RAB3GAP2: variants seen among roughly 807,000 people sequenced by gnomAD.
RAB3GAP2 encodes the protein rab3 GTPase-activating protein non-catalytic subunit.
RAB3GAP2 carries 87 observed loss-of-function variants against 185.3 expected under a neutral mutation model. That is an observed-to-expected ratio of 0.47 (90% CI 0.39 to 0.56). The LOEUF (loss-of-function observed/expected upper bound fraction) is 0.56. Among genes scored for constraint, RAB3GAP2 ranks in the 20% least tolerant of loss-of-function variants. The pLI, the probability that RAB3GAP2 is intolerant of heterozygous loss-of-function variation, is 0.00. For synonymous variants in RAB3GAP2, 554 were observed against 576.1 expected, an observed-to-expected ratio of 0.96 and a Z score of 0.55; for missense variants, 1,492 against 1,638.2, an observed-to-expected ratio of 0.91 and a Z score of 1.54.
chr1:220,174,518 C>A (rs1249661600), intron 21 of RAB3GAP2, among the ~76,000 whole-genome samples: 1 of 152,160 alleles, frequency 6.6e-6, no homozygotes, highest in Non-Finnish European at 1.5e-5. Flanking sequence ...CAAGCATTTA[C>A]CCATTGAGTT....
In RAB3GAP2 at chr1:220,254,247, C is replaced by A. The variant is rs1007564475; in HGVS notation, c.115+17976G>T. ...TGGCAGGGATAAAAGAATACTTCAA[C>A]GTAATGTTGGGTACCCAGCTACTCT... On this transcript the variant is annotated intron_variant, in intron 1 of 34. Transcript: ENST00000358951. The A allele has an allele frequency of 3.7e-6, 6 of 1,613,328 alleles. No homozygotes were observed. In the African/African-American group the frequency reaches 8.0e-5, roughly 22 times the overall value.
intron 1 of RAB3GAP2, among the ~76,000 whole-genome samples, chr1:220,260,354 T>C (rs1407393971): frequency 6.6e-6 from 1 of 152,164 alleles, no homozygotes; most frequent in Non-Finnish European, 1.5e-5. Context: ...TAAATGCCCA[T>C]CAATGATAGA....
chr1:220,176,490 G>T (rs1658291892), intron 21 of RAB3GAP2, among the ~76,000 whole-genome samples: 2 of 152,166 alleles, frequency 1.3e-5, no homozygotes, highest in African/African-American at 4.8e-5. Context: ...GTTTGCCCAT[G>T]ATCCTGCCAC....
chr1:220,189,905 T>C (rs932561706), intron 16 of RAB3GAP2, 138 bp from the exon 17 acceptor site: 1 of 1,056,566 alleles, frequency 9.5e-7, no homozygotes, highest in Non-Finnish European at 1.4e-6. Context: ...GTTTTCTTGT[T>C]ATGAATTATA....
intron 6 of RAB3GAP2, 33 bp from the exon 7 acceptor site, chr1:220,210,522 T>C (rs200424350): frequency 6.6e-7 from 1 of 1,525,384 alleles, no homozygotes; most frequent in East Asian, 2.3e-5. Flanking sequence ...GCCCTGCTTG[T>C]TTTCTTACCA....
intron 1 of RAB3GAP2, chr1:220,267,053 G>C (rs1660240453): frequency 6.2e-7 from 1 of 1,609,250 alleles, no homozygotes; most frequent in Non-Finnish European, 8.5e-7. Flanking sequence ...GTGCCACAGA[G>C]AGTGGTCCTC....
At chr1:220,248,922 C>T (rs1487821970) in intron 1 of RAB3GAP2, among the ~76,000 whole-genome samples, 3 of 152,162 alleles carry the variant, frequency 2.0e-5, no homozygotes, top group Non-Finnish European at 4.4e-5. Flanking sequence ...GTTTGCTTCC[C>T]CTTCTGCCAT....
intron 26 of RAB3GAP2, among the ~76,000 whole-genome samples, chr1:220,165,283 A>G (rs1200093122): frequency 6.6e-6 from 1 of 150,726 alleles, no homozygotes; most frequent in Non-Finnish European, 1.5e-5. Context: ...AGGGACCTAT[A>G]TAATAAACAT....
At chr1:220,176,887 G>C (rs1370871138) in intron 21 of RAB3GAP2, among the ~76,000 whole-genome samples, 1 of 152,222 alleles carries the variant, frequency 6.6e-6, no homozygotes, top group African/African-American at 2.4e-5. Flanking sequence ...AGAGGGCCCA[G>C]TCTCAGCTCA....
intron 2 of RAB3GAP2, among the ~76,000 whole-genome samples, chr1:220,223,831 A>G (rs1659353246): frequency 6.6e-6 from 1 of 151,866 alleles, no homozygotes. Flanking sequence ...AGCCCTTTAG[A>G]AGCACCATGC....
chr1:220,157,564 T>G, intron 30 of RAB3GAP2, 76 bp from the exon 31 acceptor site: 1 of 1,474,588 alleles, frequency 6.8e-7, no homozygotes, highest in Non-Finnish European at 9.4e-7. Flanking sequence ...ATGAGTTTAT[T>G]AGCAGCAAAG....
intron 1 of RAB3GAP2, among the ~76,000 whole-genome samples, chr1:220,263,477 T>A (rs543676604): frequency 6.6e-6 from 1 of 152,130 alleles, no homozygotes; most frequent in Non-Finnish European, 1.5e-5. Flanking sequence ...TGGTATAAGA[T>A]AAGGATTCAA....
In RAB3GAP2 at chr1:220,151,259, A is replaced by G. The variant is rs769075655; in HGVS notation, c.4174T>C (p.Ser1392Pro). 3 of 1,613,884 alleles carry G rather than the reference A, an allele frequency of 1.9e-6. No homozygotes were observed. The Admixed American group carries it at 5.0e-5, about 27-fold the overall frequency. The change falls in exon 35 of 35, where the codon TCT becomes CCT. Residue 1392 changes from serine (S) to proline (P), a missense_variant. Around this residue, in one of 5 missense-constraint regions of RAB3GAP2, gnomAD observed 387 missense variants for 455.3 expected, o/e 0.85. Transcript: ENST00000358951. ...TTTCCAGTAGGTAAGTGTCATAAAG[A>G]AGGAAGAGATATGGCTTCCACAGCT... The part of the protein sequence containing the change: ...IEAVEAISLP[S>P]L
intron 23 of RAB3GAP2, among the ~76,000 whole-genome samples, chr1:220,171,541 G>A (rs1658177687): frequency 1.3e-5 from 2 of 152,070 alleles, no homozygotes; most frequent in Admixed American, 1.3e-4. Flanking sequence ...ATTAAATTTA[G>A]CCTATAAACA....
At position 220,182,801 on chromosome 1, in the gene RAB3GAP2, A is replaced by C; in HGVS notation, c.2129T>G (p.Val710Gly). ...FSDDKDGVLP[V>G]KTFLEYLEYE... ...TTCTAAATATTCCAAGAATGTTTTT[A>C]CAGGCAACACACCATCTTTATCATC... The change falls in exon 20 of 35, where the codon GTA (valine) becomes GGA (glycine). Residue 710 changes from valine (V) to glycine (G), a missense_variant. By Grantham distance (109) the Val-to-Gly change is moderately radical. This residue lies in a region of RAB3GAP2 where 681 missense variants were observed against 689.1 expected (regional missense o/e 0.99). Coordinates refer to ENST00000358951, the MANE Select transcript of RAB3GAP2 (RefSeq NM_012414.4). 6.2e-7 allele frequency: 1 copy of C among 1,613,328 alleles called. No individual in the cohort carries two copies. The highest frequency in any genetic ancestry group is 8.5e-7 in the Non-Finnish European group (1 of 1,179,704).
intron 2 of RAB3GAP2, among the ~76,000 whole-genome samples, chr1:220,231,646 A>ATC (rs2102891091): frequency 6.6e-6 from 1 of 152,320 alleles, no homozygotes; most frequent in African/African-American, 2.4e-5. Context: ...AACAATGAAT[A>ATC]TCTCATATCC....
At chr1:220,258,284 GA>G (rs1296064826) in intron 1 of RAB3GAP2, among the ~76,000 whole-genome samples, 3 of 151,924 alleles carry the variant, frequency 2.0e-5, no homozygotes, top group Non-Finnish European at 4.4e-5. Context: ...TACAACAAAA[GA>G]AAAAAACTTC....
intron 32 of RAB3GAP2, chr1:220,153,655 GGTTT>G (rs1657803512): frequency 2.9e-6 from 1 of 349,172 alleles, no homozygotes; most frequent in Non-Finnish European, 5.1e-6. Flanking sequence ...ACAACGTGTA[GGTTT>G]GTTACATATG....
chr1:220,249,228 G>A (rs991344781), intron 1 of RAB3GAP2, among the ~76,000 whole-genome samples: 2 of 152,158 alleles, frequency 1.3e-5, no homozygotes, highest in South Asian at 2.1e-4. Flanking sequence ...ACAGGAAGAG[G>A]TGGGAAAGTT....
Sources: gnomAD v4.1 joint callset for allele counts (sites outside exome capture counted in the v4.1 genomes callset) on GRCh38, gnomAD v4.1.1 for gene constraint, gnomAD v4.1.1 regional missense constraint, MANE v1.5 for transcripts, NCBI Gene and HGNC (gene_info 2026-07-23, HGNC 2026-07-21) for gene names.